WARS2: variants seen among roughly 807,000 people sequenced by gnomAD.
WARS2 encodes tryptophanyl tRNA synthetase 2, mitochondrial, also known as tryptophan--tRNA ligase, mitochondrial.
Under a neutral mutation model 36.5 loss-of-function variants are expected in WARS2, and 28 were observed. That is an observed-to-expected ratio of 0.77 (90% CI 0.57 to 1.05). WARS2 has a LOEUF of 1.05. Among genes scored for constraint, WARS2 ranks in the 50% least tolerant of loss-of-function variants. WARS2 has a pLI of 0.00. For synonymous variants in WARS2, 174 were observed against 178.4 expected (o/e 0.98, Z 0.20); for missense variants, 435 against 456.8 (o/e 0.95, Z 0.44).
At chr1:119,126,736 C>T in intron 1 of WARS2, 1 of 734,380 alleles carries the variant, frequency 1.4e-6, no homozygotes. Flanking sequence ...GATTGGCAAG[C>T]CTTTTCTATG....
chr1:119,092,260 C>T (rs587668880), intron 1 of WARS2, among the ~76,000 whole-genome samples: 13 of 152,208 alleles, frequency 8.5e-5, no homozygotes, highest in South Asian at 8.3e-4. Flanking sequence ...TATGAGAATA[C>T]GTTATCACAA....
At chr1:119,097,823 A>G (rs1362044694) in intron 1 of WARS2, among the ~76,000 whole-genome samples, 1 of 152,194 alleles carries the variant, frequency 6.6e-6, no homozygotes, top group Non-Finnish European at 1.5e-5. Flanking sequence ...AGAATGCAGG[A>G]GCTGAAGTCT....
intron 2 of WARS2, among the ~76,000 whole-genome samples, chr1:119,057,881 T>G (rs1316383466): frequency 1.3e-5 from 2 of 152,240 alleles, no homozygotes. Flanking sequence ...ATATATGTAC[T>G]GTGAATATTT....
At chr1:119,127,970 C>T (rs587764176) in intron 1 of WARS2, among the ~76,000 whole-genome samples, 2 of 152,242 alleles carry the variant, frequency 1.3e-5, no homozygotes, top group East Asian at 3.9e-4. Context: ...ATTTTCTCAC[C>T]TCTTCTCTCA....
chr1:119,086,074 G>A, intron 1 of WARS2: 1 of 1,089,180 alleles, frequency 9.2e-7, no homozygotes, highest in African/African-American at 1.6e-5. Flanking sequence ...TGCCCAGATT[G>A]GTCTCAAACT....
chr1:119,131,782 G>A (rs937196018), intron 1 of WARS2, among the ~76,000 whole-genome samples: 12 of 152,080 alleles, frequency 7.9e-5, no homozygotes, highest in African/African-American at 2.7e-4. Context: ...AGTTTTAAAC[G>A]TTCTGTGGGA....
At chr1:119,091,876 A>G (rs1653074398) in intron 1 of WARS2, among the ~76,000 whole-genome samples, 1 of 152,344 alleles carries the variant, frequency 6.6e-6, no homozygotes, top group South Asian at 2.1e-4. Flanking sequence ...GGACAGTAAA[A>G]TACACAGCAC....
chr1:119,131,614 C>T (rs1037408594), intron 1 of WARS2, among the ~76,000 whole-genome samples: 5 of 152,034 alleles, frequency 3.3e-5, no homozygotes, highest in African/African-American at 4.8e-5. Flanking sequence ...AGGCGCCCGC[C>T]ACCACGCCCG....
intron 1 of WARS2, among the ~76,000 whole-genome samples, chr1:119,077,127 G>C (rs1160231055): frequency 2.8e-4 from 3 of 10,824 alleles, no homozygotes; most frequent in Non-Finnish European, 6.1e-4. Context: ...AACAGAGCGA[G>C]ACCCCGTCTC....
intron 1 of WARS2, among the ~76,000 whole-genome samples, chr1:119,083,632 T>TA (rs1477701139): frequency 1.3e-5 from 2 of 152,260 alleles, no homozygotes; most frequent in East Asian, 3.9e-4. Context: ...TGATAAAATA[T>TA]AGAGTCATGA....
At chr1:119,056,963 T>C (rs886924531) in intron 2 of WARS2, among the ~76,000 whole-genome samples, 4 of 152,150 alleles carry the variant, frequency 2.6e-5, no homozygotes, top group Non-Finnish European at 5.9e-5. Context: ...CTAAGGTAGA[T>C]TTATCATTTT....
At position 119,065,316 on chromosome 1, in the gene WARS2, G is replaced by A. The variant is rs138818459; in HGVS notation, c.348+11034C>T. Reference sequence around the variant, plus strand: ...CTGAAAATTAATGAGGTCCACTCAAGAAGTTAGTAAAAGCACAACCACATA... The same window carrying A: ...CTGAAAATTAATGAGGTCCACTCAAAAAGTTAGTAAAAGCACAACCACATA... On this transcript the variant is annotated intron_variant, in intron 2 of 5. Transcript: ENST00000235521. Among the ~76,000 whole-genome samples, 529 of 152,206 alleles carry A rather than the reference G, an allele frequency of 3.5e-3. 3 individuals carry two copies. Among genetic ancestry groups the A allele is most frequent in the Non-Finnish European group, 6.2e-3 (423 of 68,012 alleles).
chr1:119,095,312 T>C (rs1031526367), intron 1 of WARS2, among the ~76,000 whole-genome samples: 4 of 152,228 alleles, frequency 2.6e-5, no homozygotes, highest in Non-Finnish European at 5.9e-5. Flanking sequence ...ACTTAGTAGT[T>C]TAGTCTCTCA....
intron 1 of WARS2, among the ~76,000 whole-genome samples, chr1:119,088,148 G>C (rs1427406550): frequency 6.6e-6 from 1 of 152,160 alleles, no homozygotes; most frequent in Non-Finnish European, 1.5e-5. Flanking sequence ...TGCAGAAAAT[G>C]AGGTACAGAT....
At chr1:119,082,922 T>G (rs1480932019) in intron 1 of WARS2, among the ~76,000 whole-genome samples, 4 of 152,164 alleles carry the variant, frequency 2.6e-5, no homozygotes, top group Non-Finnish European at 5.9e-5. Flanking sequence ...ATGGATGGAT[T>G]AATGCCCTTA....
chr1:119,045,588 C>T lies in WARS2; in HGVS notation c.423G>A (p.Gln141=). ...TCAGATTACTGGCATTTACCTTCCACTGATGTAAATGTTGTAATCGAGGTA... is the reference window on the plus strand; with the variant it reads ...TCAGATTACTGGCATTTACCTTCCATTGATGTAAATGTTGTAATCGAGGTA... ...VRLPRLQHLH[Q]WKAKTTKQKH... Residue 141 remains glutamine, a synonymous_variant, in exon 3 of 6, where the codon CAG becomes CAA. Coordinates refer to ENST00000235521, the MANE Select transcript of WARS2 (RefSeq NM_015836.4). 2 of 1,591,498 alleles carry T rather than the reference C, an allele frequency of 1.3e-6. No individual in the cohort carries two copies. The highest frequency in any genetic ancestry group is 1.7e-6 in the Non-Finnish European group (2 of 1,165,002).
intron 1 of WARS2, among the ~76,000 whole-genome samples, chr1:119,107,426 T>G (rs969443909): frequency 6.6e-6 from 1 of 152,096 alleles, no homozygotes; most frequent in African/African-American, 2.4e-5. Context: ...TTACATTTAG[T>G]GTTAGGATCC....
chr1:119,081,161 A>C (rs904107618), intron 1 of WARS2, among the ~76,000 whole-genome samples: 2 of 152,216 alleles, frequency 1.3e-5, no homozygotes, highest in Non-Finnish European at 2.9e-5. Context: ...ATTTTGACAG[A>C]CATAGCTGAA....
At chr1:119,044,116 A>C (rs1161401651) in intron 3 of WARS2, among the ~76,000 whole-genome samples, 4 of 152,216 alleles carry the variant, frequency 2.6e-5, no homozygotes, top group Admixed American at 6.5e-5. Flanking sequence ...ATTATGACAT[A>C]AGACTCACAG....
Sources: gnomAD v4.1 joint callset for allele counts (sites outside exome capture counted in the v4.1 genomes callset) on GRCh38, gnomAD v4.1.1 for gene constraint, MANE v1.5 for transcripts, NCBI Gene and HGNC (gene_info 2026-07-23, HGNC 2026-07-21) for gene names.